NOSTRIN: variants seen among roughly 807,000 people sequenced by gnomAD.
NOSTRIN encodes nitric oxide synthase trafficking.
In NOSTRIN, 63 loss-of-function variants were observed where a neutral mutation model predicts 59.0. That is an observed-to-expected ratio of 1.07 (90% confidence interval 0.87 to 1.32). The LOEUF is 1.32. Among genes scored for constraint, NOSTRIN ranks in the 40% most tolerant of loss-of-function variants. The pLI, the probability that NOSTRIN is intolerant of heterozygous loss-of-function variation, is 0.00. For missense variants in NOSTRIN, 512 were observed against 473.1 expected, an observed-to-expected ratio of 1.08 and a Z score of -0.76; for synonymous variants, 200 against 165.4, an observed-to-expected ratio of 1.21 and a Z score of -1.61.
Position 168,804,363 on chromosome 2 carries a change from C to T in NOSTRIN, c.27+1690C>T, listed in dbSNP as rs549426443. ...ATTGCCACCAAAAGTATCCGGGAGTCATGGGGAGGGCGGATATCCCTTCAG... is the reference window on the plus strand; with the variant it reads ...ATTGCCACCAAAAGTATCCGGGAGTTATGGGGAGGGCGGATATCCCTTCAG... On this transcript the variant is annotated intron_variant, in intron 1 of 15. Transcript: ENST00000317647. Among the ~76,000 whole-genome samples, 9 of 152,268 alleles carry T rather than the reference C, an allele frequency of 5.9e-5. 1 individual carries two copies. In the South Asian group the frequency reaches 1.9e-3, roughly 32 times the overall value.
intron 4 of NOSTRIN, 27 bp from the exon 5 acceptor site, chr2:168,828,393 T>C: frequency 1.2e-6 from 1 of 867,432 alleles, no homozygotes; most frequent in Non-Finnish European, 2.0e-6. Context: ...ATATTATGCT[T>C]ATGTGTCTTT....
At chr2:168,807,725 G>A (rs1354453595) in intron 1 of NOSTRIN, among the ~76,000 whole-genome samples, 1 of 152,170 alleles carries the variant, frequency 6.6e-6, no homozygotes, top group Non-Finnish European at 1.5e-5. Context: ...ATGGCTGGGA[G>A]CGAGGTACGA....
At chr2:168,863,344 T>G (rs888418563) in intron 15 of NOSTRIN, 8 of 917,922 alleles carry the variant, frequency 8.7e-6, no homozygotes, top group African/African-American at 1.8e-5. Context: ...GTAGAAAAGA[T>G]AGAAAAGGAG....
At position 168,862,000 on chromosome 2, in the gene NOSTRIN, C is replaced by A. The variant is rs757389670; in HGVS notation, c.1335C>A (p.Ala445=). The change falls in exon 15 of 16, where the codon GCC becomes GCA. Residue 445 remains alanine, a synonymous_variant. Coordinates refer to ENST00000317647, the MANE Select transcript of NOSTRIN (RefSeq NM_001039724.4). ...AAQLSSRLCK[A]LYSFQARQDD... is the part of the protein sequence containing the mutation. ...AGCTCAGCAGCAGACTTTGCAAGGC[C>A]TTGTATTCTTTTCAAGCCAGGCAAG... The A allele has an allele frequency of 1.9e-6, 3 of 1,614,048 alleles. No homozygotes were observed. In the Admixed American group the frequency reaches 5.0e-5, roughly 27 times the overall value.
upstream of NOSTRIN, among the ~76,000 whole-genome samples, chr2:168,798,753 T>C (rs1037392812): frequency 5.9e-5 from 9 of 151,996 alleles, no homozygotes; most frequent in Non-Finnish European, 1.3e-4. Flanking sequence ...TGCATTAAAA[T>C]TTTCAGAAAG....
chr2:168,797,196 C>T (rs1363318849), upstream of NOSTRIN, among the ~76,000 whole-genome samples: 1 of 146,554 alleles, frequency 6.8e-6, no homozygotes, highest in African/African-American at 2.5e-5. Flanking sequence ...CTCAGGTGAT[C>T]CTCCCACCTC....
intron 8 of NOSTRIN, 50 bp downstream of exon 8, chr2:168,843,167 C>G (rs914772367): frequency 6.0e-6 from 5 of 836,800 alleles, no homozygotes; most frequent in Middle Eastern, 2.2e-4. Flanking sequence ...CTTTGTGTGA[C>G]CTTGAAGATG....
At chr2:168,809,011 T>C (rs1686007749) in intron 1 of NOSTRIN, among the ~76,000 whole-genome samples, 1 of 152,248 alleles carries the variant, frequency 6.6e-6, no homozygotes, top group East Asian at 1.9e-4. Context: ...TATCATTATG[T>C]TATGAAACAT....
At chr2:168,851,499 T>C (rs1421628287) in intron 10 of NOSTRIN, 95 bp downstream of exon 10, 25 of 1,492,104 alleles carry the variant, frequency 1.7e-5, no homozygotes, top group Non-Finnish European at 1.6e-5. Context: ...TATCATGTTT[T>C]ATCAATGAAA....
intron 13 of NOSTRIN, 35 bp from the exon 14 acceptor site, chr2:168,860,755 ATCGTG>A: frequency 8.3e-7 from 1 of 1,200,222 alleles, no homozygotes; most frequent in South Asian, 1.2e-5. Context: ...GTTTATGATA[ATCGTG>A]TTACAAAATA....
chr2:168,839,906 T>A (rs1208218582), intron 7 of NOSTRIN, among the ~76,000 whole-genome samples: 33,055 of 76,830 alleles, frequency 0.43, 7,119 homozygotes, highest in African/African-American at 0.51. Flanking sequence ...AAAAAATATA[T>A]ATATATATAT....
At chr2:168,827,596 TA>T (rs1250227671) in intron 3 of NOSTRIN, among the ~76,000 whole-genome samples, 1 of 152,060 alleles carries the variant, frequency 6.6e-6, no homozygotes, top group Non-Finnish European at 1.5e-5. Flanking sequence ...GCTCAGGGGA[TA>T]CGGTCTTGCT....
At chr2:168,798,683 G>A (rs116649685), upstream of NOSTRIN, among the ~76,000 whole-genome samples, 1 of 152,266 alleles carries the variant, frequency 6.6e-6, no homozygotes, top group African/African-American at 2.4e-5. Context: ...GTATGAGTGC[G>A]GGTCAGAAAT....
rs774966218 is a variant in NOSTRIN at position 168,856,690 on chromosome 2, G to C, written c.965G>C (p.Gly322Ala). 4.3e-6 allele frequency: 7 copies of C among 1,613,866 alleles called. No individual in the cohort carries two copies. In the South Asian group the frequency reaches 7.7e-5, roughly 18 times the overall value. The change falls in exon 12 of 16, where the codon GGC (glycine) becomes GCC (alanine). Residue 322 changes from glycine to alanine, a missense_variant and splice_region_variant. Physicochemically the swap from Gly to Ala is moderately conservative, Grantham distance 60 (BLOSUM62 0). Coordinates refer to ENST00000317647, the MANE Select transcript of NOSTRIN (RefSeq NM_001039724.4). ...ACTGAGAACATGATTTCATTTTCAG[G>C]CCTGGAACGAATGCTTAAAACGTAC... Reference protein sequence around the residue: ...DIEKASKDKEGLERMLKTYSS... With the variant: ...DIEKASKDKEALERMLKTYSS...
At chr2:168,835,748 A>G (rs1018791137) in intron 7 of NOSTRIN, among the ~76,000 whole-genome samples, 3 of 152,206 alleles carry the variant, frequency 2.0e-5, no homozygotes, top group Non-Finnish European at 2.9e-5. Context: ...CCCCCAGGCC[A>G]TATCAGAATC....
intron 8 of NOSTRIN, among the ~76,000 whole-genome samples, chr2:168,844,674 TC>T (rs1336465654): frequency 1.3e-5 from 2 of 151,994 alleles, no homozygotes; most frequent in East Asian, 3.9e-4. Context: ...ATCGAGACCA[TC>T]CTGGCTAACA....
rs1346455817 is a variant in NOSTRIN, at chr2:168,865,064, T to C, written c.*94T>C. The C allele has an allele frequency of 3.7e-6, 5 of 1,361,844 alleles. No homozygotes were observed. Among genetic ancestry groups the C allele is most frequent in the Non-Finnish European group, 5.0e-6 (5 of 992,600 alleles). The allele number at this position is 1,361,844 out of a possible 1,614,324, so 84.4% of individuals were successfully genotyped here. A position where few individuals can be genotyped will look rare whatever the true frequency, so the allele number is the denominator to read the frequency against. On this transcript the variant is annotated 3_prime_UTR_variant, in exon 16 of 16. Transcript: ENST00000317647. ...AAGTGCTCTTACCTTTACATGTTTT[T>C]CTTTTGAAATGGATGGAGTTCTACC...
At chr2:168,834,383 C>A (rs1395106452) in intron 7 of NOSTRIN, 58 bp downstream of exon 7, 7 of 826,798 alleles carry the variant, frequency 8.5e-6, no homozygotes. Context: ...ACTTGCTGCC[C>A]TTAGCTACGA....
chr2:168,812,546 G>C (rs1302446015), intron 2 of NOSTRIN, among the ~76,000 whole-genome samples: 3 of 152,172 alleles, frequency 2.0e-5, no homozygotes, highest in African/African-American at 7.2e-5. Flanking sequence ...TCACATGGGA[G>C]AGGCCTTAGT....
Sources: allele counts gnomAD v4.1 joint callset (sites outside exome capture counted in the v4.1 genomes callset), GRCh38; gene constraint gnomAD v4.1.1; transcripts MANE v1.5; gene names NCBI Gene and HGNC (gene_info 2026-07-23, HGNC 2026-07-21).